MEMO1: variants seen among roughly 807,000 people sequenced by gnomAD.
MEMO1 encodes the protein protein MEMO1.
A neutral mutation model predicts 45.2 loss-of-function variants in MEMO1; 6 were observed. The observed-to-expected ratio is 0.13, with a 90% confidence interval of 0.07 to 0.26. The LOEUF (loss-of-function observed/expected upper bound fraction) is 0.26, where lower values mean the gene tolerates loss of function less well. MEMO1 is among the 10% of genes least tolerant of loss of function. The probability of loss-of-function intolerance (pLI) is 1.00; values close to 1 mark genes in which losing one functional copy is unlikely to be tolerated. For missense variants in MEMO1, 184 were observed against 370.5 expected, an observed-to-expected ratio of 0.50 and a Z score of 4.13; for synonymous variants, 78 against 124.3, an observed-to-expected ratio of 0.63 and a Z score of 2.48.
chr2:31,981,603 T>C (rs796593251), intron 2 of MEMO1, among the ~76,000 whole-genome samples: 6 of 152,356 alleles, frequency 3.9e-5, no homozygotes, highest in African/African-American at 1.4e-4. Context: ...AAAGCATTTA[T>C]TTGCCTTAAC....
chr2:31,993,945 C>CTTTTT (rs1558562652), intron 2 of MEMO1, among the ~76,000 whole-genome samples: 24 of 124,574 alleles, frequency 1.9e-4, no homozygotes, highest in African/African-American at 7.4e-4. Context: ...ATCATCAATA[C>CTTTTT]TTTCTTTTTT....
chr2:31,913,329 A>G (rs1680903635), intron 6 of MEMO1, among the ~76,000 whole-genome samples: 1 of 150,788 alleles, frequency 6.6e-6, no homozygotes, highest in Non-Finnish European at 1.5e-5. Context: ...AATGTGGTTT[A>G]TAATAGTGAA....
intron 7 of MEMO1, among the ~76,000 whole-genome samples, chr2:31,888,456 T>C (rs1558478730): frequency 6.6e-6 from 1 of 152,054 alleles, no homozygotes. Flanking sequence ...CAATCACATA[T>C]ATGAAGAAGG....
intron 3 of MEMO1, among the ~76,000 whole-genome samples, chr2:31,940,307 T>C (rs893184111): frequency 8.5e-5 from 13 of 152,172 alleles, no homozygotes; most frequent in Non-Finnish European, 1.8e-4. Context: ...TGCCTCTTCT[T>C]TGTACTCCAG....
chr2:31,911,996 T>A (rs1680633527), intron 6 of MEMO1, among the ~76,000 whole-genome samples: 1 of 152,052 alleles, frequency 6.6e-6, no homozygotes, highest in African/African-American at 2.4e-5. Flanking sequence ...TTTCTATATA[T>A]CCTAACTGAA....
At chr2:31,960,064 G>A (rs1667835183) in intron 2 of MEMO1, among the ~76,000 whole-genome samples, 1 of 152,138 alleles carries the variant, frequency 6.6e-6, no homozygotes, top group Admixed American at 6.6e-5. Context: ...GGGTGTGGCG[G>A]CGCATGCCTA....
intron 7 of MEMO1, among the ~76,000 whole-genome samples, chr2:31,886,863 T>C (rs1159273043): frequency 1.3e-5 from 2 of 152,184 alleles, no homozygotes; most frequent in Admixed American, 6.5e-5. Context: ...AAGTATGAGC[T>C]TTCTAGCTTT....
chr2:31,992,143 T>C (rs965058946), intron 2 of MEMO1, among the ~76,000 whole-genome samples: 2 of 152,246 alleles, frequency 1.3e-5, no homozygotes, highest in African/African-American at 4.8e-5. Flanking sequence ...TCTTTCCACA[T>C]GGATTAGTCG....
intron 6 of MEMO1, 120 bp downstream of exon 6, chr2:31,917,806 A>G (rs1255845814): frequency 1.9e-5 from 12 of 642,178 alleles, no homozygotes; most frequent in South Asian, 1.6e-4. Flanking sequence ...TCTTGTCTCA[A>G]TTTTTTATCT....
intron 2 of MEMO1, among the ~76,000 whole-genome samples, chr2:31,951,704 T>C (rs1666871547): frequency 6.6e-6 from 1 of 152,070 alleles, no homozygotes; most frequent in African/African-American, 2.4e-5. Context: ...GGCTAATTTT[T>C]GTACTTTAGT....
chr2:31,991,577 A>C (rs1671959296), intron 2 of MEMO1, among the ~76,000 whole-genome samples: 1 of 152,024 alleles, frequency 6.6e-6, no homozygotes, highest in Non-Finnish European at 1.5e-5. Flanking sequence ...GACTCAAAAA[A>C]AAAAAAAAAA....
At chr2:31,912,050 T>C (rs1680646647) in intron 6 of MEMO1, among the ~76,000 whole-genome samples, 1 of 152,090 alleles carries the variant, frequency 6.6e-6, no homozygotes, top group African/African-American at 2.4e-5. Context: ...AAAGCAATTA[T>C]AGGCTGGGAG....
chr2:31,978,662 C>T (rs1182199490), intron 2 of MEMO1, among the ~76,000 whole-genome samples: 1 of 152,190 alleles, frequency 6.6e-6, no homozygotes, highest in Non-Finnish European at 1.5e-5. Context: ...TCAAGTGATC[C>T]TCTCACCTTG....
intron 2 of MEMO1, among the ~76,000 whole-genome samples, chr2:31,987,347 A>G (rs931977485): frequency 6.6e-6 from 1 of 152,204 alleles, no homozygotes; most frequent in African/African-American, 2.4e-5. Flanking sequence ...GGAGAATGAC[A>G]AAAGACTAGG....
chr2:31,895,896 G>A (rs1391767615), intron 6 of MEMO1, among the ~76,000 whole-genome samples: 1 of 139,456 alleles, frequency 7.2e-6, no homozygotes, highest in Admixed American at 7.6e-5. Flanking sequence ...AGGCTGGAGT[G>A]CAGTGGCGAG....
At chr2:31,969,586 G>GGTGTGTGTGTGTGTGT (rs367639470) in intron 2 of MEMO1, among the ~76,000 whole-genome samples, 7 of 119,216 alleles carry the variant, frequency 5.9e-5, no homozygotes, top group Non-Finnish European at 1.1e-4. Flanking sequence ...TGTGTGTGTG[G>GGTGTGTGTGTGTGTGT]GTGTGTGTGT....
At chr2:31,968,483 A>C (rs1310660858) in intron 2 of MEMO1, among the ~76,000 whole-genome samples, 1 of 152,166 alleles carries the variant, frequency 6.6e-6, no homozygotes, top group African/African-American at 2.4e-5. Flanking sequence ...GTATGAGTAG[A>C]TTTCTAGTAT....
intron 2 of MEMO1, among the ~76,000 whole-genome samples, chr2:31,976,507 G>A (rs1200236355): frequency 6.6e-6 from 1 of 151,954 alleles, no homozygotes; most frequent in Non-Finnish European, 1.5e-5. Context: ...GAACCTGGGA[G>A]GCAGAGGTTG....
At chr2:31,942,810 C>A (rs916798772) in intron 3 of MEMO1, among the ~76,000 whole-genome samples, 5 of 152,120 alleles carry the variant, frequency 3.3e-5, no homozygotes, top group Admixed American at 6.5e-5. Flanking sequence ...GTGTGAGCCA[C>A]CACACGCAGC....
Sources: allele counts gnomAD v4.1 joint callset (sites outside exome capture counted in the v4.1 genomes callset), GRCh38; gene constraint gnomAD v4.1.1; transcripts MANE v1.5; gene names NCBI Gene and HGNC (gene_info 2026-07-23, HGNC 2026-07-21).